The following RNF215 variants were observed in gnomAD, a reference collection of about 807,000 sequenced individuals.
The protein encoded by RNF215 is ring finger protein 215.
RNF215 carries 41 observed loss-of-function variants against 44.8 expected under a neutral mutation model. The ratio of observed to expected loss-of-function variants is 0.92; its 90% CI spans 0.71 to 1.19. The LOEUF (loss-of-function observed/expected upper bound fraction) is 1.19, where lower values mean the gene tolerates loss of function less well. RNF215 is among the 50% of genes most tolerant of loss of function. The pLI is 0.00. For missense variants in RNF215, 452 were observed against 496.2 expected, an observed-to-expected ratio of 0.91 and a Z score of 0.85; for synonymous variants, 218 against 230.1, an observed-to-expected ratio of 0.95 and a Z score of 0.48.
rs543360562 is a variant in RNF215, at chr22:30,380,737, C to T, written c.745-336G>A. ...GACTCCCCAACCCAGCACCCAGCAA[C>T]CCAGCACCCAGCCTGGGACCTGCTC... is the stretch of plus-strand genomic sequence containing the variant. On this transcript the variant is annotated intron_variant, in intron 5 of 8. Transcript: ENST00000382363. The surrounding 1 kb of genome is among the most constrained non-coding windows in gnomAD (Gnocchi z 5.3). Among the ~76,000 whole-genome samples the T allele has an allele frequency of 3.3e-5, 5 of 152,238 alleles. No homozygotes were observed. The highest frequency in any genetic ancestry group is 1.2e-4 in the African/African-American group (5 of 41,542).
At chr22:30,385,371 G>A (rs868415617) in intron 4 of RNF215, among the ~76,000 whole-genome samples, 4 of 149,562 alleles carry the variant, frequency 2.7e-5, no homozygotes, top group African/African-American at 7.4e-5. Context: ...GCAGAGAGCC[G>A]AGATCGCGCC....
chr22:30,382,075 G>T (rs552367630), intron 5 of RNF215, among the ~76,000 whole-genome samples: 2 of 152,170 alleles, frequency 1.3e-5, no homozygotes, highest in African/African-American at 4.8e-5. Context: ...CCAGGAGACC[G>T]GGGCATCACT....
Position 30,387,335 on chromosome 22 carries a change from C to G in RNF215, c.-22G>C. On this transcript the variant is annotated 5_prime_UTR_variant, in exon 1 of 9. Transcript: ENST00000382363. ...CCATGGCCGGACCCGGCGAGCTGGC[C>G]CAACAGTGGGGCCAGGGGTCCCGGG... The G allele has an allele frequency of 9.5e-7, 1 of 1,054,902 alleles. No individual in the cohort carries two copies. Among genetic ancestry groups the G allele is most frequent in the Non-Finnish European group, 1.1e-6 (1 of 876,338 alleles). 65.3% of individuals were successfully genotyped at this position (1,054,902 alleles called of 1,614,324 possible).
In RNF215 at chr22:30,384,319, T is replaced by C; in HGVS notation, c.744+20A>G. On this transcript the variant is annotated intron_variant, in intron 5 of 8. Coordinates refer to ENST00000382363, the MANE Select transcript of RNF215 (RefSeq NM_001017981.2). ...ACGAGCCTCCTTTCCCTAGGCCCCATGTAATCTGCTAGCACCCACCTGCTC... is the reference window on the plus strand; with the variant it reads ...ACGAGCCTCCTTTCCCTAGGCCCCACGTAATCTGCTAGCACCCACCTGCTC... The C allele has an allele frequency of 6.2e-7, 1 of 1,606,130 alleles. No individual in the cohort carries two copies. Among genetic ancestry groups the C allele is most frequent in the African/African-American group, 1.3e-5 (1 of 74,886 alleles).
Position 30,386,596 on chromosome 22 carries a change from C to T in RNF215, c.429+20G>A, listed in dbSNP as rs1440941044. On this transcript the variant is annotated intron_variant, in intron 2 of 8. Coordinates refer to ENST00000382363, the MANE Select transcript of RNF215 (RefSeq NM_001017981.2). ...GGAATCCTTTCCTCCAGCCCCCTCC[C>T]CCATAGACATCCCCTGCACCTGCTG... The T allele has an allele frequency of 1.9e-6, 3 of 1,606,288 alleles. No individual in the cohort carries two copies. The highest frequency in any genetic ancestry group is 2.5e-6 in the Non-Finnish European group (3 of 1,176,642).
chr22:30,379,943 G>T, intron 7 of RNF215, 119 bp downstream of exon 7: 1 of 1,546,422 alleles, frequency 6.5e-7, no homozygotes, highest in Admixed American at 1.7e-5. Flanking sequence ...CTGAAATTCT[G>T]CTCTGTGGCC....
At chr22:30,382,946 AC>A (rs898301783) in intron 5 of RNF215, among the ~76,000 whole-genome samples, 7 of 152,146 alleles carry the variant, frequency 4.6e-5, no homozygotes, top group African/African-American at 1.7e-4. Context: ...TACAAAAAAT[AC>A]AAAAATTAGC....
At position 30,384,382 on chromosome 22, in the gene RNF215, C is replaced by T. The variant is rs750288350; in HGVS notation, c.701G>A (p.Trp234Ter). The T allele has an allele frequency of 6.2e-7, 1 of 1,614,096 alleles. No homozygotes were observed. ...GCCTCCAAGGCAGACCAAGTCCTGC[C>T]ATCCTCCATAGCCATCCTTGGAGAG... ...CGLSKDGYGGWQDLVCLGGSR... is the reference protein window; with the variant it reads ...CGLSKDGYGG The change falls in exon 5 of 9, where the codon TGG (tryptophan) becomes TAG (stop). Residue 234 changes from tryptophan (W) to a stop codon, truncating the protein, a stop_gained. Transcript: ENST00000382363. LOFTEE classifies it high-confidence loss of function.
Position 30,380,649 on chromosome 22 carries a change from G to T in RNF215, c.745-248C>A, listed in dbSNP as rs1933517961. Among the ~76,000 whole-genome samples, 1 of 152,066 alleles carries T rather than the reference G, an allele frequency of 6.6e-6. No homozygotes were observed. Among genetic ancestry groups the T allele is most frequent in the South Asian group, 2.1e-4 (1 of 4,826 alleles). On this transcript the variant is annotated intron_variant, in intron 5 of 8. Transcript: ENST00000382363. The surrounding 1 kb of genome is among the most constrained non-coding windows in gnomAD (Gnocchi z 5.3). ...AGAGCCACATCCATTCCCAGCCCAG[G>T]GCTCTCTGGGCAACAAACCTGATGT...
rs180962255 is a variant in RNF215, at chr22:30,382,878, G to A, written c.744+1461C>T. ...GCACTTTGGGAGGCCGAGGTGGGCC[G>A]AATGCCTAAGCTCAGGAGTTCGAGA... On this transcript the variant is annotated intron_variant, in intron 5 of 8. Transcript: ENST00000382363. 5.3e-5 allele frequency among the ~76,000 whole-genome samples: 8 copies of A among 152,250 alleles called. No individual in the cohort carries two copies. In the East Asian group the frequency reaches 1.4e-3, roughly 26 times the overall value.
At position 30,386,758 on chromosome 22, in the gene RNF215, A is replaced by C; in HGVS notation, c.287T>G (p.Met96Arg). The change falls in exon 2 of 9, where the codon ATG becomes AGG. Residue 96 changes from methionine to arginine, a missense_variant and splice_region_variant. Coordinates refer to ENST00000382363, the MANE Select transcript of RNF215 (RefSeq NM_001017981.2). ...CTCCTGCTCGGCATCCACGATGTCCATCTGTGTGGCAAGGGGCCATGAGCA... is the reference window on the plus strand; with the variant it reads ...CTCCTGCTCGGCATCCACGATGTCCCTCTGTGTGGCAAGGGGCCATGAGCA... ...APLLGGRLLL[M>R]DIVDAEQEAP... The C allele has an allele frequency of 6.2e-7, 1 of 1,603,548 alleles. No individual in the cohort carries two copies. Among genetic ancestry groups the C allele is most frequent in the Non-Finnish European group, 8.5e-7 (1 of 1,179,536 alleles).
intron 5 of RNF215, among the ~76,000 whole-genome samples, chr22:30,382,084 C>T (rs1933536792): frequency 6.6e-6 from 1 of 152,196 alleles, no homozygotes; most frequent in Non-Finnish European, 1.5e-5. Context: ...CGGGGCATCA[C>T]TGCCTGGCAG....
In RNF215 at chr22:30,387,378, G is replaced by T; in HGVS notation, c.-65C>A. ...GTCCCGGGCGCGGGGGGGATCGGAG[G>T]GAGCGAGGCCGCTGCCGGACGGGGC... is the stretch of plus-strand genomic sequence containing the variant. On this transcript the variant is annotated 5_prime_UTR_variant, in exon 1 of 9. Transcript: ENST00000382363. 1 of 1,011,674 alleles carries T rather than the reference G, an allele frequency of 9.9e-7. No individual in the cohort carries two copies. Among genetic ancestry groups the T allele is most frequent in the African/African-American group, 1.7e-5 (1 of 57,704 alleles). 62.7% of individuals were successfully genotyped at this position (1,011,674 alleles called of 1,614,324 possible).
intron 5 of RNF215, among the ~76,000 whole-genome samples, chr22:30,383,977 T>C (rs1933561391): frequency 1.3e-5 from 2 of 152,108 alleles, no homozygotes; most frequent in African/African-American, 2.4e-5. Context: ...TATGCAGTCA[T>C]TGGTACAGGG....
Position 30,379,821 on chromosome 22 carries a change from G to C in RNF215, c.1009-8C>G, listed in dbSNP as rs1157182726. 2 of 1,573,746 alleles carry C rather than the reference G, an allele frequency of 1.3e-6. No homozygotes were observed. Among genetic ancestry groups the C allele is most frequent in the African/African-American group, 2.7e-5 (2 of 74,200 alleles). ...GGGCAGCACCCGGAGCCACTACAGG[G>C]GTGGGGGAGGAAGGGCTCAGGTCAC... is the stretch of plus-strand genomic sequence containing the variant. On this transcript the variant is annotated splice_polypyrimidine_tract_variant and splice_region_variant and intron_variant, in intron 7 of 8. Transcript: ENST00000382363.
intron 3 of RNF215, 25 bp from the exon 4 acceptor site, chr22:30,386,014 A>G (rs1933593556): frequency 6.2e-7 from 1 of 1,613,872 alleles, no homozygotes; most frequent in Non-Finnish European, 8.5e-7. Flanking sequence ...GGAGGTCAGC[A>G]GGCCTGGGTC....
At position 30,380,023 on chromosome 22, in the gene RNF215, C is replaced by T. The variant is rs778385681; in HGVS notation, c.1008+39G>A. On this transcript the variant is annotated intron_variant, in intron 7 of 8. Transcript: ENST00000382363. This position sits in a 1 kb window ranked among gnomAD's most constrained non-coding sequence, Gnocchi z 5.3. ...CCCAGGAGTAAGGTGGGAGGCATCA[C>T]AGGTGAGCTGATGGCTGGTCTCTAC... 30 of 1,610,610 alleles carry T rather than the reference C, an allele frequency of 1.9e-5. No individual in the cohort carries two copies. Among genetic ancestry groups the T allele is most frequent in the Non-Finnish European group, 2.5e-6 (3 of 1,177,474 alleles).
At chr22:30,385,241 G>A (rs1569199624) in intron 4 of RNF215, among the ~76,000 whole-genome samples, 1 of 151,836 alleles carries the variant, frequency 6.6e-6, no homozygotes, top group African/African-American at 2.4e-5. Flanking sequence ...CTAACATGGT[G>A]AAACCCCGTC....
In RNF215 at chr22:30,386,967, G is replaced by A. The variant is rs569931142; in HGVS notation, c.285+62C>T. On this transcript the variant is annotated intron_variant, in intron 1 of 8. Transcript: ENST00000382363. ...GATGAACGTCGGTTCAGGGTGCGGG[G>A]TCTCTAGGGAGGGTTGAGAGAGGGG... The A allele has an allele frequency of 1.8e-4, 279 of 1,520,508 alleles. 2 individuals are homozygous for A. The Middle Eastern group carries it at 4.2e-3, about 23-fold the overall frequency. The allele number at this position is 1,520,508 out of a possible 1,614,324, so 94.2% of individuals were successfully genotyped here. A position where few individuals can be genotyped will look rare whatever the true frequency, so the allele number is the denominator to read the frequency against.
Sources: allele counts gnomAD v4.1 joint callset (sites outside exome capture counted in the v4.1 genomes callset), GRCh38; gene constraint gnomAD v4.1.1; non-coding constraint Gnocchi (gnomAD v3.1); transcripts MANE v1.5; gene names NCBI Gene and HGNC (gene_info 2026-07-23, HGNC 2026-07-21).